Variants in ALX3 observed in about 807,000 individuals in gnomAD.
ALX3 encodes the protein homeobox protein aristaless-like 3.
Under a neutral mutation model 26.3 loss-of-function variants are expected in ALX3, and 17 were observed. The observed-to-expected ratio is 0.65, with a 90% confidence interval of 0.44 to 0.97. The LOEUF (loss-of-function observed/expected upper bound fraction) is 0.97, where lower values mean the gene tolerates loss of function less well. Ranked by LOEUF, ALX3 falls within the 50% of genes least tolerant of loss-of-function variation. The probability of loss-of-function intolerance (pLI) is 0.00; values close to 1 mark genes in which losing one functional copy is unlikely to be tolerated. For synonymous variants in ALX3, 208 were observed against 201.4 expected, an observed-to-expected ratio of 1.03 and a Z score of -0.28; for missense variants, 461 against 466.5, an observed-to-expected ratio of 0.99 and a Z score of 0.11.
rs1387754740 is a variant in ALX3, at chr1:110,060,412, T to C, written c.*321A>G. The C allele has an allele frequency of 1.0e-5, 2 of 199,864 alleles. No individual in the cohort carries two copies. Among genetic ancestry groups the C allele is most frequent in the Non-Finnish European group, 2.0e-5 (2 of 99,920 alleles). 12.4% of individuals were successfully genotyped at this position (199,864 alleles called of 1,614,324 possible). A position where few individuals can be genotyped will look rare whatever the true frequency, so the allele number is the denominator to read the frequency against. On this transcript the variant is annotated 3_prime_UTR_variant, in exon 4 of 4. Coordinates refer to ENST00000647563, the MANE Select transcript of ALX3 (RefSeq NM_006492.3). ...TGAACGATGAGCCAAGTAAGCTGTC[T>C]TAGCTGGAGAGATGACAATGGACTT...
In ALX3 at chr1:110,062,625, G is replaced by GTT. The variant is rs1382111597; in HGVS notation, c.595-1063_595-1062insAA. 0.019 allele frequency: 15 copies of GTT among 780 alleles called. No homozygotes were observed. The South Asian group carries it at 0.33, about 17-fold the overall frequency. The allele number at this position is 780 out of a possible 1,614,324, so 0.0% of individuals were successfully genotyped here. A position where few individuals can be genotyped will look rare whatever the true frequency, so the allele number is the denominator to read the frequency against. Reference sequence around the variant, plus strand: ...AAGCTGTGTGTGTGTGTGTGTGTGTGTGTGTGTGTGTGTGTGTGTGGAGTA... The same window carrying GTT: ...AAGCTGTGTGTGTGTGTGTGTGTGTGTTTGTGTGTGTGTGTGTGTGTGGAGTA... On this transcript the variant is annotated intron_variant, in intron 2 of 3. Transcript: ENST00000647563.
chr1:110,061,725 C>G, intron 2 of ALX3, 162 bp from the exon 3 acceptor site: 1 of 1,191,074 alleles, frequency 8.4e-7, no homozygotes, highest in Non-Finnish European at 1.2e-6. Flanking sequence ...GCCAGGGAAG[C>G]CTGGGAGGAA....
Position 110,061,520 on chromosome 1 carries a change from C to T in ALX3, c.638G>A (p.Arg213His), listed in dbSNP as rs150129126. 1.7e-4 allele frequency: 282 copies of T among 1,614,196 alleles called. No individual in the cohort carries two copies. In the East Asian group the frequency reaches 2.9e-3, roughly 16 times the overall value. The change falls in exon 3 of 4, where the codon CGT (arginine) becomes CAT (histidine). Residue 213 changes from arginine to histidine, a missense_variant. Arg to His is a conservative substitution (Grantham distance 29, BLOSUM62 0). Coordinates refer to ENST00000647563, the MANE Select transcript of ALX3 (RefSeq NM_006492.3). ...NRRAKWRKRE[R>H]YGKIQEGRNP... ...CCGCCCCTCCTGGATCTTCCCATAACGCTCGCGCTTCCGCCACTTGGCTCT... is the reference window on the plus strand; with the variant it reads ...CCGCCCCTCCTGGATCTTCCCATAATGCTCGCGCTTCCGCCACTTGGCTCT...
rs765360394 is a variant in ALX3, at chr1:110,060,682, T to A, written c.*51A>T. The A allele has an allele frequency of 5.7e-6, 3 of 527,634 alleles. No homozygotes were observed. In the African/African-American group the frequency reaches 2.5e-4, roughly 44 times the overall value. 32.7% of individuals were successfully genotyped at this position (527,634 alleles called of 1,614,324 possible). ...GAGGCAGAGGTGGGCTGGGAGCGACTGGGAATGGAAAAAGAGGTGGGCAGC... is the reference window on the plus strand; with the variant it reads ...GAGGCAGAGGTGGGCTGGGAGCGACAGGGAATGGAAAAAGAGGTGGGCAGC... On this transcript the variant is annotated 3_prime_UTR_variant, in exon 4 of 4. Transcript: ENST00000647563.
intron 1 of ALX3, among the ~76,000 whole-genome samples, chr1:110,068,151 G>C (rs1653833373): frequency 6.6e-6 from 1 of 152,260 alleles, no homozygotes; most frequent in South Asian, 2.1e-4. Flanking sequence ...CGGGAGAAGA[G>C]CGAGGTGCGC....
intron 1 of ALX3, among the ~76,000 whole-genome samples, chr1:110,068,049 C>A (rs1211556083): frequency 6.6e-6 from 1 of 152,222 alleles, no homozygotes; most frequent in Non-Finnish European, 1.5e-5. Context: ...GCGAGAGTGG[C>A]TGGCAGCGCC....
chr1:110,063,983 A>AG (rs1653718810), intron 2 of ALX3, among the ~76,000 whole-genome samples: 1 of 151,060 alleles, frequency 6.6e-6, no homozygotes, highest in Non-Finnish European at 1.5e-5. Flanking sequence ...TCCATGGGGG[A>AG]TTTTGTTAGG....
chr1:110,067,499 G>C (rs897660850), intron 1 of ALX3, among the ~76,000 whole-genome samples: 2 of 152,304 alleles, frequency 1.3e-5, no homozygotes, highest in Non-Finnish European at 2.9e-5. Flanking sequence ...CCAGCTCTCA[G>C]GCCTGCCGTA....
intron 1 of ALX3, among the ~76,000 whole-genome samples, chr1:110,066,989 A>G (rs1278610284): frequency 6.6e-6 from 1 of 152,192 alleles, no homozygotes; most frequent in African/African-American, 2.4e-5. Flanking sequence ...ATGCCTGCCC[A>G]GTCTACAGCC....
At chr1:110,061,276 C>A in intron 3 of ALX3, 159 bp downstream of exon 3, 2 of 1,261,034 alleles carry the variant, frequency 1.6e-6, no homozygotes. Context: ...ATGCGTCATT[C>A]ATGAGACAGG....
chr1:110,061,819 C>T, intron 2 of ALX3: 1 of 554,866 alleles, frequency 1.8e-6, no homozygotes, highest in Non-Finnish European at 3.2e-6. Context: ...CACTGTGGTC[C>T]TCCAGCCTGG....
chr1:110,069,051 C>T (rs1167819044), intron 1 of ALX3, among the ~76,000 whole-genome samples: 4 of 152,244 alleles, frequency 2.6e-5, no homozygotes, highest in Non-Finnish European at 5.9e-5. Flanking sequence ...GGCCGGGTAC[C>T]TGTCTCTGGC....
At chr1:110,069,008 G>A (rs988758039) in intron 1 of ALX3, among the ~76,000 whole-genome samples, 1 of 152,184 alleles carries the variant, frequency 6.6e-6, no homozygotes, top group Non-Finnish European at 1.5e-5. Flanking sequence ...GGCCTGGGGG[G>A]GTGGCTCCTG....
chr1:110,066,666 T>G (rs3754443), intron 1 of ALX3, among the ~76,000 whole-genome samples: 98,258 of 148,330 alleles, frequency 0.66, 32,892 homozygotes, highest in East Asian at 0.81. Flanking sequence ...TGGTGTCTTG[T>G]GTTTGTAGGG....
At chr1:110,063,726 G>C (rs1653710932) in intron 2 of ALX3, among the ~76,000 whole-genome samples, 2 of 151,628 alleles carry the variant, frequency 1.3e-5, no homozygotes, top group African/African-American at 4.8e-5. Context: ...GTATCGGGAA[G>C]CCTGCTTTGA....
chr1:110,063,838 T>C (rs1321580910), intron 2 of ALX3, among the ~76,000 whole-genome samples: 2 of 151,946 alleles, frequency 1.3e-5, no homozygotes. Context: ...CACCTTCATG[T>C]GCTTGACACT....
At chr1:110,066,720 A>G (rs1393285786) in intron 1 of ALX3, among the ~76,000 whole-genome samples, 1 of 152,190 alleles carries the variant, frequency 6.6e-6, no homozygotes, top group East Asian at 1.9e-4. Context: ...AGGGTAGCTC[A>G]GGGCTGAGGG....
chr1:110,061,127 G>A (rs1653630727), intron 3 of ALX3, 86 bp from the exon 4 acceptor site: 3 of 1,475,960 alleles, frequency 2.0e-6, no homozygotes, highest in South Asian at 2.4e-5. Context: ...TGTCCTTGGG[G>A]CCCCAGAAAC....
chr1:110,064,621 G>A lies in ALX3; in HGVS notation c.560C>T (p.Ala187Val). 1.2e-6 allele frequency: 2 copies of A among 1,614,146 alleles called. No homozygotes were observed. The highest frequency in any genetic ancestry group is 1.7e-6 in the Non-Finnish European group (2 of 1,180,042). The change falls in exon 2 of 4, where the codon GCC becomes GTC. Residue 187 changes from alanine (A) to valine (V), a missense_variant. By Grantham distance (64) the Ala-to-Val change is moderately conservative. This residue lies in a region of ALX3 where 51 missense variants were observed against 82.4 expected (regional missense o/e 0.62). Transcript: ENST00000647563. ...GGCCTCAGTCAGGTCTGTGCGCAGG[G>A]CCAGCTGCTCCCGGGCATACACATC... ...YPDVYAREQL[A>V]LRTDLTEARV...
Sources: allele counts gnomAD v4.1 joint callset (sites outside exome capture counted in the v4.1 genomes callset), GRCh38; gene constraint gnomAD v4.1.1; regional missense constraint gnomAD v4.1.1; transcripts MANE v1.5; gene names NCBI Gene and HGNC (gene_info 2026-07-23, HGNC 2026-07-21).